CCDC149: variants seen among roughly 807,000 people sequenced by gnomAD.
CCDC149 encodes coiled-coil domain-containing protein 149.
A neutral mutation model predicts 59.9 loss-of-function variants in CCDC149; 45 were observed. That is an observed-to-expected ratio of 0.75 (90% CI 0.59 to 0.96). The LOEUF is 0.96. Ranked by LOEUF, CCDC149 falls within the 40% of genes least tolerant of loss-of-function variation. The pLI is 0.00. For missense variants in CCDC149, 584 were observed against 664.7 expected (o/e 0.88, Z 1.33); for synonymous variants, 245 against 260.6 (o/e 0.94, Z 0.58).
At chr4:24,875,841 G>T (rs1252763419) in intron 2 of CCDC149, among the ~76,000 whole-genome samples, 1 of 152,114 alleles carries the variant, frequency 6.6e-6, no homozygotes, top group African/African-American at 2.4e-5. Flanking sequence ...TCTTTTTAAA[G>T]AACTCTATAT....
intron 1 of CCDC149, among the ~76,000 whole-genome samples, chr4:24,964,692 G>A (rs1043875315): frequency 2.1e-4 from 32 of 152,202 alleles, no homozygotes; most frequent in African/African-American, 7.2e-4. Context: ...AAAACTCCCC[G>A]AATTTAGCAA....
At chr4:24,912,570 C>T (rs1012228090) in intron 1 of CCDC149, among the ~76,000 whole-genome samples, 1 of 152,102 alleles carries the variant, frequency 6.6e-6, no homozygotes, top group African/African-American at 2.4e-5. Flanking sequence ...CCAACCCCTG[C>T]CTTGGGGGGA....
At chr4:24,913,051 G>T (rs939345408), upstream of CCDC149, 1 of 170,552 alleles carries the variant, frequency 5.9e-6, no homozygotes, top group Admixed American at 6.5e-5. Flanking sequence ...CCGCCGGAGG[G>T]AAAGGGAGGA....
chr4:24,856,762 C>T (rs377174678), intron 3 of CCDC149, among the ~76,000 whole-genome samples: 1 of 152,254 alleles, frequency 6.6e-6, no homozygotes, highest in Non-Finnish European at 1.5e-5. Flanking sequence ...CAAGGTGTCA[C>T]ATGTGGGCGG....
Position 24,853,060 on chromosome 4 carries a change from T to C in CCDC149, c.372+12A>G, listed in dbSNP as rs368332660. 238 of 1,553,638 alleles carry C rather than the reference T, an allele frequency of 1.5e-4. No individual in the cohort carries two copies. The highest frequency in any genetic ancestry group is 1.9e-4 in the Non-Finnish European group (217 of 1,125,922). The stretch of plus-strand genomic sequence containing the variant: ...TGCAGCAGAGCTTCTTCCCTGTAAA[T>C]ACTCACAGTACCTTGTTGTCGCCCT... On this transcript the variant is annotated intron_variant, in intron 4 of 12. Transcript: ENST00000635206.
At chr4:24,870,233 C>T (rs1207278041) in intron 3 of CCDC149, among the ~76,000 whole-genome samples, 6 of 152,224 alleles carry the variant, frequency 3.9e-5, no homozygotes, top group Non-Finnish European at 7.3e-5. Flanking sequence ...CAATTTTCTA[C>T]ATTCCTATCT....
At chr4:24,821,208 C>A in intron 10 of CCDC149, 121 bp from the exon 11 acceptor site, 16 of 407,174 alleles carry the variant, frequency 3.9e-5, no homozygotes, top group Non-Finnish European at 5.0e-5. Flanking sequence ...GAGTAACTTC[C>A]ATCTTTTAAT....
At chr4:24,876,334 C>CAG (rs1248036176) in intron 2 of CCDC149, among the ~76,000 whole-genome samples, 20 of 122,398 alleles carry the variant, frequency 1.6e-4, no homozygotes, top group African/African-American at 7.0e-4. Flanking sequence ...CACACACACA[C>CAG]ACACACAGAG....
chr4:24,822,529 G>A lies in CCDC149; in HGVS notation c.1010C>T (p.Thr337Ile). 1 of 1,538,918 alleles carries A rather than the reference G, an allele frequency of 6.5e-7. No homozygotes were observed. Among genetic ancestry groups the A allele is most frequent in the Non-Finnish European group, 8.8e-7 (1 of 1,141,516 alleles). Residue 337 changes from threonine (T) to isoleucine (I), a missense_variant, in exon 10 of 13, where the codon ACT (threonine) becomes ATT (isoleucine). Thr to Ile is a moderately conservative substitution (Grantham distance 89, BLOSUM62 -1). Coordinates refer to ENST00000635206, the MANE Select transcript of CCDC149 (RefSeq NM_001330643.2). ...ACTCCACAAACCAGAAACTTCCAGA[G>A]TTCTTAATTTTTTTTCCAGCTCAGC...
intron 1 of CCDC149, among the ~76,000 whole-genome samples, chr4:24,972,699 TCTAA>T (rs775977626): frequency 2.0e-5 from 3 of 152,136 alleles, no homozygotes; most frequent in Non-Finnish European, 4.4e-5. Context: ...TTTAAACCTG[TCTAA>T]CTGACTGACT....
chr4:24,927,092 G>C (rs2109339645), intron 1 of CCDC149, among the ~76,000 whole-genome samples: 1 of 152,296 alleles, frequency 6.6e-6, no homozygotes, highest in African/African-American at 2.4e-5. Flanking sequence ...TGGATTTGAG[G>C]GAAGAGAACA....
chr4:24,861,642 A>AC (rs1478810476), intron 3 of CCDC149, among the ~76,000 whole-genome samples: 3 of 151,772 alleles, frequency 2.0e-5, no homozygotes, highest in East Asian at 3.9e-4. Flanking sequence ...AAATTAAAAA[A>AC]AAAATGTAAC....
intron 1 of CCDC149, among the ~76,000 whole-genome samples, chr4:24,902,696 G>T (rs1261837534): frequency 6.6e-6 from 1 of 152,220 alleles, no homozygotes; most frequent in Non-Finnish European, 1.5e-5. Flanking sequence ...TATTGTGCAT[G>T]GTGTTTTCAT....
intron 8 of CCDC149, among the ~76,000 whole-genome samples, chr4:24,834,193 C>G (rs1353938004): frequency 6.6e-6 from 1 of 151,810 alleles, no homozygotes; most frequent in African/African-American, 2.4e-5. Context: ...TTTTTTAAGC[C>G]ACTGTAGTGC....
At chr4:24,822,611 C>T (rs1473241124) in intron 9 of CCDC149, 38 bp from the exon 10 acceptor site, 4 of 1,446,324 alleles carry the variant, frequency 2.8e-6, no homozygotes, top group East Asian at 2.5e-5. Context: ...AATTACTGAG[C>T]ATCCTGTCAG....
chr4:24,919,870 A>G (rs574260290), intron 1 of CCDC149, among the ~76,000 whole-genome samples: 2 of 152,236 alleles, frequency 1.3e-5, no homozygotes, highest in South Asian at 4.1e-4. Context: ...AGGTGCTGTT[A>G]TTATTATCCA....
intron 1 of CCDC149, among the ~76,000 whole-genome samples, chr4:24,900,852 A>AG (rs1721123868): frequency 6.6e-6 from 1 of 152,168 alleles, no homozygotes; most frequent in Non-Finnish European, 1.5e-5. Flanking sequence ...GGATGAGGTC[A>AG]GGGTGTGAGA....
At chr4:24,869,898 C>T (rs1718931905) in intron 3 of CCDC149, among the ~76,000 whole-genome samples, 1 of 152,178 alleles carries the variant, frequency 6.6e-6, no homozygotes. Context: ...GAATCAAAGT[C>T]GATGAGTGTA....
intron 1 of CCDC149, chr4:24,894,978 T>C (rs777195399): frequency 6.5e-7 from 1 of 1,536,126 alleles, no homozygotes; most frequent in Non-Finnish European, 8.7e-7. Context: ...CATGCAGGCA[T>C]GGTTTGTCAA....
Sources: allele counts gnomAD v4.1 joint callset (sites outside exome capture counted in the v4.1 genomes callset), GRCh38; gene constraint gnomAD v4.1.1; transcripts MANE v1.5; gene names NCBI Gene and HGNC (gene_info 2026-07-23, HGNC 2026-07-21).